The following ITGAE variants were observed in gnomAD, a reference collection of about 807,000 sequenced individuals.
The protein encoded by ITGAE is integrin alpha-E.
ITGAE carries 99 observed loss-of-function variants against 136.5 expected under a neutral mutation model. That is an observed-to-expected ratio of 0.73 (90% CI 0.62 to 0.86). ITGAE has a LOEUF of 0.86. Ranked by LOEUF, ITGAE falls within the 40% of genes least tolerant of loss-of-function variation. ITGAE has a pLI of 0.00. For synonymous variants in ITGAE, 613 were observed against 591.8 expected (o/e 1.04, Z -0.52); for missense variants, 1,447 against 1,515.3 (o/e 0.95, Z 0.75).
At chr17:3,777,804 C>T in intron 1 of ITGAE, 144 bp from the exon 2 acceptor site, 1 of 989,188 alleles carries the variant, frequency 1.0e-6, no homozygotes, top group East Asian at 2.8e-5. Flanking sequence ...GAGAGAAAGA[C>T]TAGACGCAGG....
intron 26 of ITGAE, chr17:3,723,993 G>A (rs1235733240): frequency 6.3e-7 from 1 of 1,593,196 alleles, no homozygotes; most frequent in East Asian, 2.3e-5. Context: ...TGGGGCTGCG[G>A]ACGGCAGGAG....
chr17:3,726,290 C>T, intron 26 of ITGAE: 1 of 1,613,926 alleles, frequency 6.2e-7, no homozygotes, highest in Admixed American at 1.7e-5. Flanking sequence ...TGAACTTCAG[C>T]TCTGCCACTG....
At chr17:3,792,017 T>G (rs1390149611) in intron 1 of ITGAE, among the ~76,000 whole-genome samples, 3 of 152,208 alleles carry the variant, frequency 2.0e-5, no homozygotes, top group Non-Finnish European at 2.9e-5. Flanking sequence ...AGGAGGAACC[T>G]GGGGAGATGG....
chr17:3,757,363 A>G (rs577183551), intron 9 of ITGAE, among the ~76,000 whole-genome samples: 2 of 152,170 alleles, frequency 1.3e-5, no homozygotes, highest in East Asian at 3.9e-4. Flanking sequence ...ACCTCTGCAC[A>G]TGCTGTTCCC....
Position 3,751,767 on chromosome 17 carries a change from G to T in ITGAE, c.1776C>A (p.Leu592=). 1 of 1,614,098 alleles carries T rather than the reference G, an allele frequency of 6.2e-7. No homozygotes were observed. The highest frequency in any genetic ancestry group is 8.5e-7 in the Non-Finnish European group (1 of 1,179,996). ...GGGGGGCCCCGATGGCCACATCTGT[G>T]AGCTTATCCTGACTGAGATCCCCCA... ...AAMGDLSQDK[L]TDVAIGAPLE... The change falls in exon 15 of 31, where the codon CTC becomes CTA. Residue 592 remains leucine, a synonymous_variant. Transcript: ENST00000263087.
chr17:3,753,261 C>A, intron 14 of ITGAE, 29 bp downstream of exon 14: 1 of 1,605,654 alleles, frequency 6.2e-7, no homozygotes, highest in Non-Finnish European at 8.5e-7. Flanking sequence ...ACAGCCTCAG[C>A]AAGCTCATGA....
rs75745030 is a variant in ITGAE, at chr17:3,757,360, C to A, written c.1021-226G>T. 4.8e-4 allele frequency among the ~76,000 whole-genome samples: 73 copies of A among 152,306 alleles called. 1 individual carries two copies. The East Asian group carries it at 0.012, about 25-fold the overall frequency. ...TACACCAAGCTCCTCCTCACCTCTG[C>A]ACATGCTGTTCCCTCTGCCTGCAGG... On this transcript the variant is annotated intron_variant, in intron 9 of 30. Transcript: ENST00000263087.
At position 3,716,669 on chromosome 17, in the gene ITGAE, T is replaced by C. The variant is rs2050948752; in HGVS notation, c.3444+19A>G. On this transcript the variant is annotated intron_variant, in intron 30 of 30. Coordinates refer to ENST00000263087, the MANE Select transcript of ITGAE (RefSeq NM_002208.5). ...AGAGCCCAGTCTTCCCTCACTGTGA[T>C]GCCATGAGTAGAACTGACCTTGAAC... 1.4e-6 allele frequency: 2 copies of C among 1,394,314 alleles called. No individual in the cohort carries two copies. Among genetic ancestry groups the C allele is most frequent in the Non-Finnish European group, 2.0e-6 (2 of 980,642 alleles). 86.4% of individuals were successfully genotyped at this position (1,394,314 alleles called of 1,614,324 possible).
intron 21 of ITGAE, among the ~76,000 whole-genome samples, chr17:3,734,493 G>A (rs964826095): frequency 2.6e-5 from 4 of 152,190 alleles, no homozygotes; most frequent in African/African-American, 9.7e-5. Flanking sequence ...ATCCAGCCTT[G>A]GGAATGGCAG....
intron 26 of ITGAE, chr17:3,724,218 A>C: frequency 6.3e-7 from 1 of 1,593,634 alleles, no homozygotes; most frequent in Non-Finnish European, 8.5e-7. Flanking sequence ...GCCCAGCCTG[A>C]CCGTGACCCC....
At chr17:3,748,531 G>A (rs2051778647) in intron 16 of ITGAE, among the ~76,000 whole-genome samples, 1 of 152,174 alleles carries the variant, frequency 6.6e-6, no homozygotes, top group Admixed American at 6.5e-5. Context: ...AGGTTGCAGT[G>A]AGCCGACATC....
At chr17:3,748,681 G>T (rs1448845805) in intron 16 of ITGAE, among the ~76,000 whole-genome samples, 1 of 152,190 alleles carries the variant, frequency 6.6e-6, no homozygotes, top group Non-Finnish European at 1.5e-5. Flanking sequence ...TTTCGGTTGA[G>T]ATTTGTTAAC....
At chr17:3,741,270 G>A (rs1179760082) in intron 19 of ITGAE, among the ~76,000 whole-genome samples, 1 of 146,290 alleles carries the variant, frequency 6.8e-6, no homozygotes, top group South Asian at 2.1e-4. Context: ...TGTATTTTTA[G>A]TAGAGACGGG....
Position 3,795,930 on chromosome 17 carries a change from CGT to C in ITGAE, c.34+5179_34+5180del, listed in dbSNP as rs10643973. 4.0e-3 allele frequency among the ~76,000 whole-genome samples: 455 copies of C among 113,142 alleles called. 2 individuals are homozygous for C. The highest frequency in any genetic ancestry group is 0.014 in the Middle Eastern group (2 of 138). The allele number at this position is 113,142 out of a possible 152,430, so 74.2% of individuals were successfully genotyped here. A position where few individuals can be genotyped will look rare whatever the true frequency, so the allele number is the denominator to read the frequency against. On this transcript the variant is annotated intron_variant, in intron 1 of 30. Transcript: ENST00000263087. ...GTATGCGCATCCGTGTGTGTGCATC[CGT>C]GTGTGTGCATCCGTGTGTGCATCCC...
Position 3,753,332 on chromosome 17 carries a change from A to G in ITGAE, c.1626T>C (p.His542=), listed in dbSNP as rs1283802014. The G allele has an allele frequency of 5.0e-6, 8 of 1,614,136 alleles. No individual in the cohort carries two copies. The highest frequency in any genetic ancestry group is 1.7e-4 in the Middle Eastern group (1 of 6,060). Reference sequence around the variant, plus strand: ...ACACGTAGACTCTGCCTTCTTCTCCATGAACGTGGTAAAATGGAGCAGCCA... The same window carrying G: ...ACACGTAGACTCTGCCTTCTTCTCCGTGAACGTGGTAAAATGGAGCAGCCA... The part of the protein sequence containing the change: ...LLVAAPFYHV[H]GEEGRVYVYR... Residue 542 remains histidine (H), a synonymous_variant, in exon 14 of 31, where the codon CAT becomes CAC. Transcript: ENST00000263087.
At position 3,761,103 on chromosome 17, in the gene ITGAE, C is replaced by T. The variant is rs184355144; in HGVS notation, c.508G>A (p.Asp170Asn). ...CGGCGCTGCCTGGCTGTGTTCACAT[C>T]GTCTTCTCCACCGCCTTCTTTGTTG... ...YSNKEGGGED[D>N]VNTARQRRAL... The change falls in exon 6 of 31, where the codon GAT becomes AAT. Residue 170 changes from aspartate (D) to asparagine (N), a missense_variant. By Grantham distance (23) the Asp-to-Asn change is conservative (BLOSUM62 1). Around this residue, in one of 3 missense-constraint regions of ITGAE, gnomAD observed 310 missense variants for 416.1 expected, o/e 0.74. Transcript: ENST00000263087. The T allele has an allele frequency of 1.1e-5, 18 of 1,612,862 alleles. No individual in the cohort carries two copies. In the East Asian group the frequency reaches 2.9e-4, roughly 26 times the overall value.
chr17:3,748,736 G>A (rs979759520), intron 16 of ITGAE, among the ~76,000 whole-genome samples: 1 of 152,210 alleles, frequency 6.6e-6, no homozygotes, highest in African/African-American at 2.4e-5. Flanking sequence ...AGCACTCCAG[G>A]AAGAAAGCAC....
intron 14 of ITGAE, among the ~76,000 whole-genome samples, chr17:3,752,370 C>A (rs1251040697): frequency 6.6e-6 from 1 of 152,186 alleles, no homozygotes; most frequent in Non-Finnish European, 1.5e-5. Flanking sequence ...CTTCCTCACC[C>A]GTAAGATGAG....
intron 14 of ITGAE, among the ~76,000 whole-genome samples, chr17:3,752,972 C>T (rs1230837325): frequency 1.3e-5 from 2 of 152,216 alleles, no homozygotes; most frequent in Non-Finnish European, 2.9e-5. Context: ...TGCTTGAACC[C>T]CGGAGGCAGA....
Sources: allele counts gnomAD v4.1 joint callset (sites outside exome capture counted in the v4.1 genomes callset), GRCh38; gene constraint gnomAD v4.1.1; regional missense constraint gnomAD v4.1.1; transcripts MANE v1.5; gene names NCBI Gene and HGNC (gene_info 2026-07-23, HGNC 2026-07-21).